Variants in SUN1 observed in about 807,000 individuals in gnomAD.
The protein encoded by SUN1 is SUN domain-containing protein 1.
SUN1 carries 61 observed loss-of-function variants against 103.2 expected under a neutral mutation model. The observed-to-expected ratio is 0.59, with a 90% CI of 0.48 to 0.73. The LOEUF (loss-of-function observed/expected upper bound fraction) is 0.73, where lower values mean the gene tolerates loss of function less well. SUN1 is among the 30% of genes least tolerant of loss of function. SUN1 has a pLI of 0.00. For missense variants in SUN1, 1,052 were observed against 1,034.6 expected (o/e 1.02, Z -0.23); for synonymous variants, 490 against 425.7 (o/e 1.15, Z -1.86).
chr7:866,512 C>T (rs1448259935), intron 16 of SUN1, among the ~76,000 whole-genome samples: 2 of 148,580 alleles, frequency 1.3e-5, no homozygotes, highest in African/African-American at 2.5e-5. Context: ...GGCCTTTGCC[C>T]CCCGTCTCCC....
intron 1 of SUN1, among the ~76,000 whole-genome samples, chr7:836,889 A>G (rs1803785399): frequency 1.3e-5 from 2 of 152,200 alleles, no homozygotes; most frequent in African/African-American, 2.4e-5. Context: ...AGAAAAATGC[A>G]GGGCATTTCT....
intron 5 of SUN1, chr7:849,377 G>A (rs890647693): frequency 3.8e-6 from 2 of 521,114 alleles, no homozygotes; most frequent in Non-Finnish European, 6.6e-6. Context: ...ATTCACCTGT[G>A]TGGTAGGAGC....
chr7:830,399 AG>A (rs749040659), upstream of SUN1, among the ~76,000 whole-genome samples: 10 of 152,252 alleles, frequency 6.6e-5, no homozygotes, highest in Non-Finnish European at 1.5e-4. Flanking sequence ...GGACTGCATC[AG>A]GGTGGGTAAG....
intron 2 of SUN1, 89 bp downstream of exon 2, chr7:839,075 T>C: frequency 4.5e-6 from 6 of 1,328,518 alleles, no homozygotes; most frequent in Non-Finnish European, 6.0e-6. Flanking sequence ...AGCCGCACCC[T>C]GTCTCGAGCT....
At chr7:872,605 C>T in intron 18 of SUN1, 43 bp downstream of exon 18, 1 of 1,489,578 alleles carries the variant, frequency 6.7e-7, no homozygotes, top group South Asian at 1.2e-5. Context: ...CTGAGTCCCA[C>T]AACTTCTCGT....
intron 6 of SUN1, 48 bp downstream of exon 6, chr7:851,530 A>C (rs777605889): frequency 1.1e-5 from 16 of 1,472,338 alleles, no homozygotes; most frequent in Admixed American, 8.6e-5. Context: ...AGCTTCTGGC[A>C]GCTAAGCACC....
chr7:854,844 A>G, intron 10 of SUN1, 76 bp from the exon 11 acceptor site: 1 of 1,053,084 alleles, frequency 9.5e-7, no homozygotes, highest in Non-Finnish European at 1.5e-6. Context: ...TCCGTGTAGA[A>G]ACGCCTTGGC....
chr7:815,702 A>T (rs1583564967), upstream of SUN1, among the ~76,000 whole-genome samples: 1 of 152,260 alleles, frequency 6.6e-6, no homozygotes, highest in South Asian at 2.1e-4. Context: ...GGAGAAGAGA[A>T]CCTGCGAATT....
intron 5 of SUN1, among the ~76,000 whole-genome samples, chr7:844,457 C>T (rs773391833): frequency 5.3e-5 from 8 of 152,312 alleles, no homozygotes; most frequent in Non-Finnish European, 1.2e-4. Context: ...TTCAAATGAC[C>T]GGACATAATG....
chr7:854,723 A>G (rs571613274), intron 10 of SUN1, among the ~76,000 whole-genome samples, 197 bp from the exon 11 acceptor site: 1 of 152,332 alleles, frequency 6.6e-6, no homozygotes, highest in South Asian at 2.1e-4. Flanking sequence ...AAATATATAT[A>G]TAAATAAAGA....
upstream of SUN1, among the ~76,000 whole-genome samples, chr7:829,600 G>T (rs1482953052): frequency 1.3e-5 from 2 of 150,900 alleles, no homozygotes; most frequent in African/African-American, 4.9e-5. Flanking sequence ...TGTCGCCCAG[G>T]CTGGAGTGCA....
chr7:849,245 C>T (rs149127283), intron 5 of SUN1, among the ~76,000 whole-genome samples: 2 of 152,350 alleles, frequency 1.3e-5, no homozygotes, highest in East Asian at 1.9e-4. Context: ...TGAGCAACTG[C>T]GCCCAACCCA....
intron 1 of SUN1, among the ~76,000 whole-genome samples, chr7:823,439 C>A (rs1363589917): frequency 6.6e-6 from 1 of 151,304 alleles, no homozygotes; most frequent in Admixed American, 6.6e-5. Context: ...CAAGGAGATG[C>A]GGAAGGGGAT....
Position 873,475 on chromosome 7 carries a change from G to C in SUN1, c.*144G>C. On this transcript the variant is annotated 3_prime_UTR_variant, in exon 19 of 19. Coordinates refer to ENST00000401592, the MANE Select transcript of SUN1 (RefSeq NM_001130965.3). ...CGTGGCTGCTGGCCAGAGGACGTGA[G>C]CGTGTGACGGGCGCCTTGGCGCCAC... 1.2e-6 allele frequency: 1 copy of C among 834,056 alleles called. No homozygotes were observed. The highest frequency in any genetic ancestry group is 1.7e-5 in the South Asian group (1 of 57,150). 51.7% of individuals were successfully genotyped at this position (834,056 alleles called of 1,614,324 possible). A position where few individuals can be genotyped will look rare whatever the true frequency, so the allele number is the denominator to read the frequency against.
At chr7:848,721 G>A (rs1257406541) in intron 5 of SUN1, 1 of 710,362 alleles carries the variant, frequency 1.4e-6, no homozygotes, top group East Asian at 5.8e-5. Context: ...CTCCTCCTGT[G>A]GTCTTGGTGC....
chr7:827,709 T>A (rs978053553), upstream of SUN1, among the ~76,000 whole-genome samples: 2 of 151,004 alleles, frequency 1.3e-5, no homozygotes, highest in African/African-American at 2.4e-5. Flanking sequence ...CTTGTGATCC[T>A]CCCACCTTGG....
At chr7:849,882 TG>T in intron 5 of SUN1, 2 of 1,566,164 alleles carry the variant, frequency 1.3e-6, no homozygotes, top group Non-Finnish European at 1.7e-6. Context: ...AGAGTTTGCT[TG>T]TGAATCCGCC....
intron 15 of SUN1, among the ~76,000 whole-genome samples, chr7:865,115 C>T (rs529813105): frequency 1.3e-5 from 2 of 152,110 alleles, no homozygotes; most frequent in Non-Finnish European, 2.9e-5. Flanking sequence ...AACATAGTGA[C>T]CTCTGGTAGC....
At chr7:856,014 C>T (rs1423261076) in intron 11 of SUN1, among the ~76,000 whole-genome samples, 2 of 152,232 alleles carry the variant, frequency 1.3e-5, no homozygotes, top group East Asian at 3.9e-4. Flanking sequence ...CAGCACGGCT[C>T]AGCTTCATGT....
Sources: allele counts gnomAD v4.1 joint callset (sites outside exome capture counted in the v4.1 genomes callset), GRCh38; gene constraint gnomAD v4.1.1; transcripts MANE v1.5; gene names NCBI Gene and HGNC (gene_info 2026-07-23, HGNC 2026-07-21).